NELL1: variants seen among roughly 807,000 people sequenced by gnomAD.
NELL1 encodes the protein protein kinase C-binding protein NELL1.
In NELL1, 76 loss-of-function variants were observed where a neutral mutation model predicts 107.4. The ratio of observed to expected loss-of-function variants is 0.71; its 90% CI spans 0.59 to 0.86. The LOEUF (loss-of-function observed/expected upper bound fraction) is 0.86, where lower values mean the gene tolerates loss of function less well. Among genes scored for constraint, NELL1 ranks in the 40% least tolerant of loss-of-function variants. The pLI is 0.00. For missense variants in NELL1, 1,024 were observed against 1,005.5 expected, an observed-to-expected ratio of 1.02 and a Z score of -0.25; for synonymous variants, 353 against 341.2, an observed-to-expected ratio of 1.03 and a Z score of -0.38.
chr11:21,533,513 G>T (rs945025609), intron 15 of NELL1, among the ~76,000 whole-genome samples: 2 of 152,154 alleles, frequency 1.3e-5, no homozygotes, highest in African/African-American at 2.4e-5. Context: ...ACTGAACCCG[G>T]TTTAAAAATT....
chr11:21,128,423 A>G (rs933985520), intron 13 of NELL1, among the ~76,000 whole-genome samples: 2 of 152,130 alleles, frequency 1.3e-5, no homozygotes, highest in African/African-American at 4.8e-5. Context: ...GTATTAAAGT[A>G]TTAGGAGTTT....
At chr11:21,409,767 G>A (rs1852330460) in intron 15 of NELL1, among the ~76,000 whole-genome samples, 1 of 151,862 alleles carries the variant, frequency 6.6e-6, no homozygotes, top group African/African-American at 2.4e-5. Context: ...TTTACCTTAG[G>A]TGAGCAGACA....
intron 13 of NELL1, among the ~76,000 whole-genome samples, chr11:21,159,832 T>A (rs1306965484): frequency 6.6e-6 from 1 of 152,200 alleles, no homozygotes; most frequent in Non-Finnish European, 1.5e-5. Context: ...TCCCCTTGCT[T>A]GTAATAGGGT....
chr11:20,907,661 C>T (rs538072954), intron 5 of NELL1, among the ~76,000 whole-genome samples: 1 of 152,194 alleles, frequency 6.6e-6, no homozygotes, highest in South Asian at 2.1e-4. Context: ...AATCATGTAG[C>T]TTGATGAAAA....
chr11:20,954,035 A>G (rs1482695243), intron 11 of NELL1, among the ~76,000 whole-genome samples: 1 of 152,234 alleles, frequency 6.6e-6, no homozygotes, highest in Non-Finnish European at 1.5e-5. Context: ...TAAGAATTCC[A>G]GCCTCAGTCG....
chr11:21,029,117 G>C (rs1035378187), intron 12 of NELL1, among the ~76,000 whole-genome samples: 3 of 152,070 alleles, frequency 2.0e-5, no homozygotes, highest in Admixed American at 6.6e-5. Context: ...TAACCGTCTT[G>C]TTTGGGTGGT....
intron 2 of NELL1, among the ~76,000 whole-genome samples, chr11:20,718,044 C>T (rs1019599842): frequency 6.6e-6 from 1 of 152,190 alleles, no homozygotes; most frequent in Admixed American, 6.5e-5. Flanking sequence ...TTTGGACTCA[C>T]ATTTATGTCC....
intron 13 of NELL1, among the ~76,000 whole-genome samples, chr11:21,215,047 C>G (rs929944981): frequency 6.6e-6 from 1 of 151,916 alleles, no homozygotes. Flanking sequence ...TGGCTGTGTC[C>G]CCACCCAAAT....
At chr11:21,457,703 T>C (rs1443481073) in intron 15 of NELL1, among the ~76,000 whole-genome samples, 1 of 152,114 alleles carries the variant, frequency 6.6e-6, no homozygotes, top group Non-Finnish European at 1.5e-5. Flanking sequence ...AGTTTGGAGA[T>C]TTATCAACCA....
intron 3 of NELL1, among the ~76,000 whole-genome samples, chr11:20,834,058 T>C (rs1293016936): frequency 1.3e-5 from 2 of 152,196 alleles, no homozygotes; most frequent in African/African-American, 4.8e-5. Context: ...GGATTCTTGT[T>C]TTAAAAAGGT....
chr11:21,412,863 G>T (rs978259485), intron 15 of NELL1, among the ~76,000 whole-genome samples: 3 of 152,074 alleles, frequency 2.0e-5, no homozygotes, highest in African/African-American at 7.2e-5. Context: ...AAAGTCTCAT[G>T]AGTCCCATTT....
At chr11:21,516,461 G>A (rs1254090937) in intron 15 of NELL1, among the ~76,000 whole-genome samples, 1 of 151,928 alleles carries the variant, frequency 6.6e-6, no homozygotes, top group Non-Finnish European at 1.5e-5. Context: ...TGCATCATTA[G>A]GCCATTTCGT....
At chr11:21,461,256 G>T (rs1477960476) in intron 15 of NELL1, among the ~76,000 whole-genome samples, 1 of 152,090 alleles carries the variant, frequency 6.6e-6, no homozygotes, top group Non-Finnish European at 1.5e-5. Context: ...ACTGGGTAGA[G>T]GCAACAGCCC....
chr11:21,235,967 G>A (rs116734795), intron 14 of NELL1, among the ~76,000 whole-genome samples: 43 of 152,196 alleles, frequency 2.8e-4, no homozygotes, highest in African/African-American at 1.0e-3. Context: ...TGAATAGTTT[G>A]AACCTCATCT....
intron 3 of NELL1, among the ~76,000 whole-genome samples, chr11:20,790,406 G>C (rs868234557): frequency 2.0e-5 from 3 of 152,204 alleles, no homozygotes; most frequent in Non-Finnish European, 4.4e-5. Flanking sequence ...ACTCGGCCCC[G>C]ACTTTGCTCA....
At chr11:21,063,464 A>C (rs1355090735) in intron 12 of NELL1, among the ~76,000 whole-genome samples, 2 of 152,134 alleles carry the variant, frequency 1.3e-5, no homozygotes, top group Non-Finnish European at 2.9e-5. Context: ...CTCTAATTAT[A>C]GGCTTCTTCT....
chr11:20,725,198 G>A (rs1855481476), intron 2 of NELL1, among the ~76,000 whole-genome samples: 1 of 152,194 alleles, frequency 6.6e-6, no homozygotes, highest in African/African-American at 2.4e-5. Context: ...AACAGTTCAT[G>A]CAGTAAGGGA....
intron 3 of NELL1, among the ~76,000 whole-genome samples, chr11:20,793,167 T>C (rs1857107687): frequency 6.6e-6 from 1 of 152,142 alleles, no homozygotes; most frequent in Middle Eastern, 3.4e-3. Context: ...TATTTTATTA[T>C]TGAAATGTTC....
chr11:20,783,889 G>T lies in NELL1; in HGVS notation c.335+59G>T, dbSNP rs371970731. On this transcript the variant is annotated intron_variant, in intron 3 of 19. Transcript: ENST00000357134. Reference sequence around the variant, plus strand: ...TTAGAGTTAATGGGTTATACAAAATGTCTTGGGATTTAGAGTTTGTAGCCC... The same window carrying T: ...TTAGAGTTAATGGGTTATACAAAATTTCTTGGGATTTAGAGTTTGTAGCCC... The T allele has an allele frequency of 9.5e-6, 14 of 1,478,614 alleles. No homozygotes were observed. The African/African-American group carries it at 9.9e-5, about 10-fold the overall frequency. The allele number at this position is 1,478,614 out of a possible 1,614,324, so 91.6% of individuals were successfully genotyped here.
Sources: allele counts gnomAD v4.1 joint callset (sites outside exome capture counted in the v4.1 genomes callset), GRCh38; gene constraint gnomAD v4.1.1; transcripts MANE v1.5; gene names NCBI Gene and HGNC (gene_info 2026-07-23, HGNC 2026-07-21).